The following MAPK6 variants were observed in gnomAD, a reference collection of about 807,000 sequenced individuals.
MAPK6 encodes the protein mitogen-activated protein kinase 6.
In MAPK6, 19 loss-of-function variants were observed where a neutral mutation model predicts 59.3. The ratio of observed to expected loss-of-function variants is 0.32; its 90% CI spans 0.22 to 0.47. The LOEUF (loss-of-function observed/expected upper bound fraction) is 0.47, where lower values mean the gene tolerates loss of function less well. Ranked by LOEUF, MAPK6 falls within the 20% of genes least tolerant of loss-of-function variation. The pLI is 1.00. For missense variants in MAPK6, 724 were observed against 847.9 expected (o/e 0.85, Z 1.81); for synonymous variants, 316 against 290.3 (o/e 1.09, Z -0.90).
At chr15:52,059,470 G>A (rs1484721090) in intron 4 of MAPK6, among the ~76,000 whole-genome samples, 2 of 152,138 alleles carry the variant, frequency 1.3e-5, no homozygotes, top group Non-Finnish European at 2.9e-5. Flanking sequence ...TCTGAATTGG[G>A]AGGTGGAGTG....
At chr15:52,020,175 G>C (rs143859240) in intron 1 of MAPK6, 1 of 152,402 alleles carries the variant, frequency 6.6e-6, no homozygotes, top group African/African-American at 2.4e-5. Context: ...AAAGGGCCTT[G>C]TCACTTTGCT....
intron 1 of MAPK6, among the ~76,000 whole-genome samples, chr15:52,038,335 T>G (rs536964202): frequency 5.6e-4 from 85 of 152,158 alleles, no homozygotes; most frequent in Non-Finnish European, 8.2e-4. Context: ...TCTGGGCCCA[T>G]GTTGGGATTG....
chr15:52,003,849 G>A (rs1175635389), intron 2 of MAPK6, among the ~76,000 whole-genome samples: 2 of 152,216 alleles, frequency 1.3e-5, no homozygotes. Context: ...ATTAGTGAGA[G>A]ATAAGAGTGA....
intron 1 of MAPK6, among the ~76,000 whole-genome samples, chr15:52,025,475 G>C (rs1399027674): frequency 6.6e-6 from 1 of 152,222 alleles, no homozygotes; most frequent in African/African-American, 2.4e-5. Flanking sequence ...TAGTGCACTT[G>C]AGGAATTGAA....
intron 1 of MAPK6, among the ~76,000 whole-genome samples, 158 bp from the exon 2 acceptor site, chr15:52,045,670 CTA>C (rs2031572831): frequency 6.6e-6 from 1 of 152,090 alleles, no homozygotes; most frequent in Non-Finnish European, 1.5e-5. Context: ...TTTTTGTAAG[CTA>C]TTTTTGATTA....
chr15:52,007,612 G>C (rs2029936130), intron 3 of MAPK6, among the ~76,000 whole-genome samples: 2 of 152,070 alleles, frequency 1.3e-5, no homozygotes. Flanking sequence ...TGAGGCAGGA[G>C]GATTTGCTTG....
At chr15:52,017,649 G>A (rs1044708247), upstream of MAPK6, 1 of 152,240 alleles carries the variant, frequency 6.6e-6, no homozygotes, top group Non-Finnish European at 1.5e-5. Flanking sequence ...ACTATTGTAA[G>A]CCAACTTTGC....
At chr15:52,056,329 C>G (rs374150426) in intron 3 of MAPK6, among the ~76,000 whole-genome samples, 17 of 152,316 alleles carry the variant, frequency 1.1e-4, no homozygotes, top group South Asian at 8.3e-4. Flanking sequence ...AGTATTCATT[C>G]AAACATTGAT....
At chr15:52,049,122 G>C (rs1299147289) in intron 2 of MAPK6, among the ~76,000 whole-genome samples, 3 of 152,156 alleles carry the variant, frequency 2.0e-5, no homozygotes, top group African/African-American at 4.8e-5. Context: ...CAATATATGT[G>C]TAAGGTTTTG....
At chr15:51,989,150 G>C (rs1253453736) in intron 2 of MAPK6, among the ~76,000 whole-genome samples, 1 of 150,166 alleles carries the variant, frequency 6.7e-6, no homozygotes, top group Non-Finnish European at 1.5e-5. Flanking sequence ...CATGATCTTG[G>C]CTCACTGTAA....
chr15:51,990,032 G>C (rs1011702857), intron 2 of MAPK6, among the ~76,000 whole-genome samples: 1 of 152,150 alleles, frequency 6.6e-6, no homozygotes, highest in Non-Finnish European at 1.5e-5. Context: ...CCATTGTTTT[G>C]GCTACTAAAC....
At chr15:51,985,138 T>A (rs2057186836) in intron 2 of MAPK6, among the ~76,000 whole-genome samples, 1 of 152,114 alleles carries the variant, frequency 6.6e-6, no homozygotes, top group Admixed American at 6.6e-5. Flanking sequence ...GCCCAGGAGT[T>A]GTAGACCACG....
intron 2 of MAPK6, among the ~76,000 whole-genome samples, chr15:51,999,644 TG>T (rs1394180346): frequency 2.6e-5 from 4 of 152,152 alleles, no homozygotes; most frequent in Non-Finnish European, 4.4e-5. Context: ...TATTTATTTA[TG>T]TATTTATTTT....
At chr15:52,062,399 TTTTTAGGTCTAAA>T (rs2032237840) in intron 5 of MAPK6, among the ~76,000 whole-genome samples, 1 of 152,158 alleles carries the variant, frequency 6.6e-6, no homozygotes, top group Non-Finnish European at 1.5e-5. Flanking sequence ...AAAAGAGACT[TTTTTAGGTCTAAA>T]CATTAGTGTA....
chr15:52,042,512 T>C (rs1023397539), intron 1 of MAPK6, among the ~76,000 whole-genome samples: 4 of 151,800 alleles, frequency 2.6e-5, no homozygotes, highest in South Asian at 4.2e-4. Flanking sequence ...AAGTTTCTAG[T>C]TTGTGAGGCT....
chr15:51,999,241 A>G (rs1311446038), intron 2 of MAPK6, among the ~76,000 whole-genome samples: 2 of 135,532 alleles, frequency 1.5e-5, no homozygotes, highest in Non-Finnish European at 3.2e-5. Flanking sequence ...CAAGTGGTCC[A>G]CCTGCCCTCA....
chr15:52,012,582 A>C lies in MAPK6; in HGVS notation c.-632+8180A>C, dbSNP rs531677066. 6.4e-4 allele frequency among the ~76,000 whole-genome samples: 97 copies of C among 152,298 alleles called. 1 individual carries two copies. The highest frequency in any genetic ancestry group is 5.6e-4 in the Non-Finnish European group (38 of 68,028). ...GCAGTCAAATGTCATCTTTTTAAAA[A>C]GATTCTTTGCAACCTATGGAAATGA... On this transcript the variant is annotated intron_variant, in intron 3 of 7. Coordinates refer to the MAPK6 transcript ENST00000691380.
chr15:52,035,576 G>A (rs1177384829), intron 1 of MAPK6: 3 of 151,482 alleles, frequency 2.0e-5, no homozygotes, highest in African/African-American at 4.9e-5. Context: ...GAGAGCCGAG[G>A]TCACACCACT....
At position 52,064,634 on chromosome 15, in the gene MAPK6, T is replaced by G. The variant is rs1171533481; in HGVS notation, c.1800T>G (p.Gly600=). The G allele has an allele frequency of 2.5e-6, 4 of 1,611,576 alleles. No individual in the cohort carries two copies. The highest frequency in any genetic ancestry group is 2.5e-6 in the Non-Finnish European group (3 of 1,179,690). ...CTTGGGACAGCCAGTTTGTGAGTGG[T>G]GGGGAGGACTGTTTTTTCATAAATC... ...QSSWDSQFVS[G]GEDCFFINQF... The change falls in exon 6 of 6, where the codon GGT becomes GGG. Residue 600 remains glycine (G), a synonymous_variant. Transcript: ENST00000261845.
Sources: allele counts gnomAD v4.1 joint callset (sites outside exome capture counted in the v4.1 genomes callset), GRCh38; gene constraint gnomAD v4.1.1; transcripts MANE v1.5; gene names NCBI Gene and HGNC (gene_info 2026-07-23, HGNC 2026-07-21).